The following SLC9C1 variants were observed in gnomAD, a reference collection of about 807,000 sequenced individuals.
SLC9C1 encodes the protein sodium/hydrogen exchanger 10.
Under a neutral mutation model 140.9 loss-of-function variants are expected in SLC9C1, and 97 were observed. That is an observed-to-expected ratio of 0.69 (90% confidence interval 0.58 to 0.82). The LOEUF is 0.82. SLC9C1 is among the 40% of genes least tolerant of loss of function. The pLI, the probability that SLC9C1 is intolerant of heterozygous loss-of-function variation, is 0.00. For missense variants in SLC9C1, 1,340 were observed against 1,389.3 expected (o/e 0.96, Z 0.56); for synonymous variants, 440 against 442.6 (o/e 0.99, Z 0.07).
At chr3:112,292,228 A>G (rs6788602) in intron 1 of SLC9C1, among the ~76,000 whole-genome samples, 58,912 of 152,036 alleles carry the variant, frequency 0.39, 11,638 homozygotes, top group East Asian at 0.57. Context: ...GAATTTACCC[A>G]TATAACAAAC....
intron 13 of SLC9C1, among the ~76,000 whole-genome samples, chr3:112,222,541 CAT>C (rs1004123453): frequency 4.6e-5 from 7 of 152,086 alleles, no homozygotes; most frequent in Admixed American, 6.6e-5. Context: ...CTGCAGAAAA[CAT>C]AGAATATCAC....
intron 12 of SLC9C1, among the ~76,000 whole-genome samples, chr3:112,237,111 T>C (rs936509544): frequency 2.0e-5 from 3 of 152,216 alleles, no homozygotes; most frequent in Admixed American, 6.5e-5. Context: ...AGTCTCTTTG[T>C]AGGTCTCTAA....
intron 6 of SLC9C1, among the ~76,000 whole-genome samples, chr3:112,273,979 C>T (rs2080145963): frequency 6.6e-6 from 1 of 152,068 alleles, no homozygotes; most frequent in Non-Finnish European, 1.5e-5. Context: ...AATAGTAGGT[C>T]GTCAGTTTAT....
rs74577447 is a variant in SLC9C1, at chr3:112,204,436, T to C, written c.1987-33A>G. The C allele has an allele frequency of 9.0e-4, 1,376 of 1,531,856 alleles. 13 individuals are homozygous for C. The African/African-American group carries it at 0.018, about 20-fold the overall frequency. The allele number at this position is 1,531,856 out of a possible 1,614,324, so 94.9% of individuals were successfully genotyped here. On this transcript the variant is annotated intron_variant, in intron 16 of 28. Coordinates refer to ENST00000305815, the MANE Select transcript of SLC9C1 (RefSeq NM_183061.3). Reference sequence around the variant, plus strand: ...TTTAAAAGGAAATTACATTATCATGTTTGTTTCTGCTTTTACTACACCATT... The same window carrying C: ...TTTAAAAGGAAATTACATTATCATGCTTGTTTCTGCTTTTACTACACCATT...
chr3:112,187,692 T>A (rs1316680242), intron 20 of SLC9C1, among the ~76,000 whole-genome samples: 3 of 152,204 alleles, frequency 2.0e-5, no homozygotes, highest in African/African-American at 7.2e-5. Context: ...TCAAGCATGA[T>A]GAAAATACAA....
chr3:112,150,564 G>T (rs2074927171), intron 28 of SLC9C1, among the ~76,000 whole-genome samples: 1 of 151,834 alleles, frequency 6.6e-6, no homozygotes. Flanking sequence ...GTAGCTCACG[G>T]AGATAATTTT....
chr3:112,210,676 C>T (rs2078177074), intron 15 of SLC9C1, among the ~76,000 whole-genome samples: 1 of 152,150 alleles, frequency 6.6e-6, no homozygotes, highest in Non-Finnish European at 1.5e-5. Context: ...AAAGAGAATA[C>T]TATTCCTATC....
At chr3:112,174,739 C>T (rs755109710) in intron 23 of SLC9C1, among the ~76,000 whole-genome samples, 2 of 152,146 alleles carry the variant, frequency 1.3e-5, no homozygotes, top group Non-Finnish European at 2.9e-5. Flanking sequence ...AGGGCTGAGC[C>T]ACTGCAACTG....
intron 10 of SLC9C1, among the ~76,000 whole-genome samples, chr3:112,250,652 A>G (rs1302116120): frequency 3.4e-4 from 51 of 152,148 alleles, no homozygotes; most frequent in Non-Finnish European, 5.9e-5. Flanking sequence ...ACATGTGAAA[A>G]TCGCTATCAC....
intron 28 of SLC9C1, among the ~76,000 whole-genome samples, chr3:112,142,664 C>G (rs2074666367): frequency 6.6e-6 from 1 of 151,862 alleles, no homozygotes; most frequent in South Asian, 2.1e-4. Context: ...ATTCAATATA[C>G]AAAAAAGAGA....
intron 18 of SLC9C1, among the ~76,000 whole-genome samples, chr3:112,200,969 C>T (rs1054117286): frequency 6.6e-6 from 1 of 151,948 alleles, no homozygotes; most frequent in African/African-American, 2.4e-5. Context: ...TATAACCTAG[C>T]CCAATTTTGA....
At chr3:112,185,128 A>C (rs2077507960) in intron 20 of SLC9C1, among the ~76,000 whole-genome samples, 1 of 152,088 alleles carries the variant, frequency 6.6e-6, no homozygotes. Context: ...CAGAGCACAG[A>C]GTGTTGGAGA....
chr3:112,271,535 G>T (rs2080078510), intron 6 of SLC9C1, among the ~76,000 whole-genome samples: 1 of 151,938 alleles, frequency 6.6e-6, no homozygotes, highest in African/African-American at 2.4e-5. Flanking sequence ...TGTGTTGAAA[G>T]AGTTTATTTT....
chr3:112,187,343 T>G (rs1032941692), intron 20 of SLC9C1, among the ~76,000 whole-genome samples: 1 of 152,184 alleles, frequency 6.6e-6, no homozygotes, highest in Non-Finnish European at 1.5e-5. Context: ...AGTGTTTATG[T>G]TTCTTCTTCA....
chr3:112,277,737 T>C lies in SLC9C1; in HGVS notation c.442A>G (p.Ser148Gly), dbSNP rs372930925. 5.6e-6 allele frequency: 9 copies of C among 1,608,810 alleles called. No individual in the cohort carries two copies. The African/African-American group carries it at 1.1e-4, about 19-fold the overall frequency. Reference protein sequence around the residue: ...QWLLFSAILVSSDPMLTAAAI... With the variant: ...QWLLFSAILVGSDPMLTAAAI... ...GCTGCGGTTAGCATGGGATCTGAACTCACAAGGATAGCTGAAAATAATAAC... is the reference window on the plus strand; with the variant it reads ...GCTGCGGTTAGCATGGGATCTGAACCCACAAGGATAGCTGAAAATAATAAC... Residue 148 changes from serine (S) to glycine (G), a missense_variant, in exon 5 of 29, where the codon AGT becomes GGT. Transcript: ENST00000305815.
intron 26 of SLC9C1, among the ~76,000 whole-genome samples, chr3:112,166,836 TAAG>T (rs2077148390): frequency 6.6e-6 from 1 of 152,278 alleles, no homozygotes; most frequent in South Asian, 2.1e-4. Flanking sequence ...TTAAAATCTG[TAAG>T]AAGAATAGGC....
In SLC9C1 at chr3:112,266,067, A is replaced by G. The variant is rs544204572; in HGVS notation, c.878+171T>C. On this transcript the variant is annotated intron_variant, in intron 8 of 28. Coordinates refer to ENST00000305815, the MANE Select transcript of SLC9C1 (RefSeq NM_183061.3). ...AGGTTACGAATTTGCTTTAAATTGG[A>G]GGATTCAAAGACACAGGCAAGAAAA... Among the ~76,000 whole-genome samples, 28 of 152,250 alleles carry G rather than the reference A, an allele frequency of 1.8e-4. No individual in the cohort carries two copies. In the East Asian group the frequency reaches 4.4e-3, roughly 24 times the overall value.
intron 10 of SLC9C1, among the ~76,000 whole-genome samples, chr3:112,259,434 CA>C (rs1169544408): frequency 7.1e-6 from 1 of 140,182 alleles, no homozygotes; most frequent in South Asian, 2.3e-4. Context: ...AAAAAAAAAG[CA>C]AAAAACATAA....
At chr3:112,154,411 C>T (rs1333313476) in intron 27 of SLC9C1, among the ~76,000 whole-genome samples, 1 of 152,172 alleles carries the variant, frequency 6.6e-6, no homozygotes, top group Non-Finnish European at 1.5e-5. Flanking sequence ...TGTTTCACAG[C>T]TTGGAATCCT....
Sources: allele counts gnomAD v4.1 joint callset (sites outside exome capture counted in the v4.1 genomes callset), GRCh38; gene constraint gnomAD v4.1.1; transcripts MANE v1.5; gene names NCBI Gene and HGNC (gene_info 2026-07-23, HGNC 2026-07-21).